Variants in DPYD observed in about 807,000 individuals in gnomAD.
DPYD encodes the protein dihydropyrimidine dehydrogenase [NADP(+)].
In DPYD, 109 loss-of-function variants were observed where a neutral mutation model predicts 116.2. The ratio of observed to expected loss-of-function variants is 0.94; its 90% CI spans 0.80 to 1.10. DPYD has a LOEUF of 1.10. DPYD is among the 50% of genes least tolerant of loss of function. DPYD has a pLI of 0.00. For missense variants in DPYD, 1,302 were observed against 1,254.5 expected (o/e 1.04, Z -0.57); for synonymous variants, 440 against 432.0 (o/e 1.02, Z -0.23).
intron 16 of DPYD, among the ~76,000 whole-genome samples, chr1:97,312,628 A>G (rs538640821): frequency 6.6e-6 from 1 of 152,024 alleles, no homozygotes; most frequent in East Asian, 1.9e-4. Context: ...ATATTAAGTG[A>G]ACAAAAGCAA....
At chr1:97,272,759 C>G (rs1369886506) in intron 18 of DPYD, among the ~76,000 whole-genome samples, 1 of 152,026 alleles carries the variant, frequency 6.6e-6, no homozygotes, top group Admixed American at 6.6e-5. Context: ...TTACTACAAG[C>G]TATTTCATAT....
chr1:97,680,670 C>T (rs1006662393), intron 7 of DPYD, among the ~76,000 whole-genome samples: 1 of 152,078 alleles, frequency 6.6e-6, no homozygotes, highest in Non-Finnish European at 1.5e-5. Flanking sequence ...ATCTGGACAT[C>T]CCACAGAACG....
chr1:97,466,415 C>G (rs544827578), intron 13 of DPYD, among the ~76,000 whole-genome samples: 15 of 151,318 alleles, frequency 9.9e-5, no homozygotes, highest in African/African-American at 3.6e-4. Flanking sequence ...TCTGACTTCA[C>G]GTGTATATTC....
intron 3 of DPYD, among the ~76,000 whole-genome samples, chr1:97,773,797 T>G (rs1666263036): frequency 6.6e-6 from 1 of 152,084 alleles, no homozygotes. Flanking sequence ...CCCTTCTAGC[T>G]CCCCATCCAT....
chr1:97,674,201 G>GT (rs1354582321), intron 8 of DPYD, among the ~76,000 whole-genome samples: 1 of 152,160 alleles, frequency 6.6e-6, no homozygotes, highest in Non-Finnish European at 1.5e-5. Context: ...GTAGCAAGAA[G>GT]TAAGTTCAAG....
intron 8 of DPYD, among the ~76,000 whole-genome samples, chr1:97,628,856 C>A (rs1229227796): frequency 6.6e-6 from 1 of 151,928 alleles, no homozygotes; most frequent in African/African-American, 2.4e-5. Flanking sequence ...TGTTTTATAG[C>A]CTATGTACTA....
At chr1:97,701,720 A>G (rs955983841) in intron 5 of DPYD, among the ~76,000 whole-genome samples, 15 of 151,896 alleles carry the variant, frequency 9.9e-5, no homozygotes, top group Admixed American at 2.0e-4. Flanking sequence ...AGAGGGTATT[A>G]TCAACAAGTA....
At chr1:97,089,685 G>T (rs564904123) in intron 21 of DPYD, among the ~76,000 whole-genome samples, 1 of 146,652 alleles carries the variant, frequency 6.8e-6, no homozygotes, top group Non-Finnish European at 1.5e-5. Flanking sequence ...TGGGCCATAC[G>T]CATGGTAAAT....
At chr1:97,287,674 G>T (rs1003407130) in intron 18 of DPYD, among the ~76,000 whole-genome samples, 2 of 152,122 alleles carry the variant, frequency 1.3e-5, no homozygotes, top group African/African-American at 4.8e-5. Context: ...CTTGCAGTTT[G>T]ATCTCAGACT....
At chr1:97,912,222 C>CTA (rs1276213707) in intron 1 of DPYD, among the ~76,000 whole-genome samples, 1 of 151,348 alleles carries the variant, frequency 6.6e-6, no homozygotes. Flanking sequence ...CCAAAATGCA[C>CTA]TATATATCAT....
chr1:97,254,346 GA>G (rs1663308447), intron 18 of DPYD, among the ~76,000 whole-genome samples: 1 of 151,946 alleles, frequency 6.6e-6, no homozygotes, highest in African/African-American at 2.4e-5. Context: ...TTCTAAAAAC[GA>G]AAGGAAAAAT....
intron 16 of DPYD, among the ~76,000 whole-genome samples, chr1:97,352,278 T>G (rs191593196): frequency 6.6e-6 from 1 of 152,276 alleles, no homozygotes; most frequent in East Asian, 1.9e-4. Flanking sequence ...CTAAGGAATA[T>G]AAAAGATTGA....
chr1:97,889,518 G>C (rs865874495), intron 1 of DPYD, among the ~76,000 whole-genome samples: 2 of 151,806 alleles, frequency 1.3e-5, no homozygotes, highest in South Asian at 4.1e-4. Context: ...AAATTTACTA[G>C]AAATAAAGAG....
chr1:97,089,536 C>A (rs944107848), intron 21 of DPYD, among the ~76,000 whole-genome samples: 1 of 152,172 alleles, frequency 6.6e-6, no homozygotes, highest in Non-Finnish European at 1.5e-5. Flanking sequence ...TCTTTATACT[C>A]ATTGCAGGAG....
chr1:97,098,065 C>T (rs1650392858), intron 21 of DPYD, among the ~76,000 whole-genome samples: 2 of 152,032 alleles, frequency 1.3e-5, no homozygotes, highest in Non-Finnish European at 1.5e-5. Flanking sequence ...AGAGGCCAAA[C>T]CAGAGAAAGT....
At chr1:97,711,448 G>A (rs568597191) in intron 5 of DPYD, among the ~76,000 whole-genome samples, 1 of 152,014 alleles carries the variant, frequency 6.6e-6, no homozygotes, top group African/African-American at 2.4e-5. Flanking sequence ...GTAGGTGAAT[G>A]AGTATTTGAA....
intron 19 of DPYD, among the ~76,000 whole-genome samples, chr1:97,200,037 T>C (rs576744135): frequency 6.6e-6 from 1 of 152,298 alleles, no homozygotes; most frequent in East Asian, 1.9e-4. Context: ...TTATCCCAGG[T>C]AAATAATTTG....
At chr1:97,874,183 C>T (rs1412598121) in intron 2 of DPYD, among the ~76,000 whole-genome samples, 1 of 151,780 alleles carries the variant, frequency 6.6e-6, no homozygotes, top group Non-Finnish European at 1.5e-5. Context: ...CAGCTAAATC[C>T]TTTGTTAGAT....
At chr1:97,577,216 C>G (rs1653321932) in intron 10 of DPYD, among the ~76,000 whole-genome samples, 1 of 152,140 alleles carries the variant, frequency 6.6e-6, no homozygotes, top group Non-Finnish European at 1.5e-5. Flanking sequence ...GTTTCCAATT[C>G]TATACTCTAC....
Sources: allele counts gnomAD v4.1 joint callset (sites outside exome capture counted in the v4.1 genomes callset), GRCh38; gene constraint gnomAD v4.1.1; transcripts MANE v1.5; gene names NCBI Gene and HGNC (gene_info 2026-07-23, HGNC 2026-07-21).